Variants in CLASRP observed in about 807,000 individuals in gnomAD.
The protein encoded by CLASRP is CLK4 associating serine/arginine rich protein, also known as CLK4-associating serine/arginine rich protein.
CLASRP carries 52 observed loss-of-function variants against 99.9 expected under a neutral mutation model. That is an observed-to-expected ratio of 0.52 (90% confidence interval 0.42 to 0.66). The LOEUF (loss-of-function observed/expected upper bound fraction) is 0.66, where lower values mean the gene tolerates loss of function less well. Among genes scored for constraint, CLASRP ranks in the 30% least tolerant of loss-of-function variants. The probability of loss-of-function intolerance (pLI) is 0.00; values close to 1 mark genes in which losing one functional copy is unlikely to be tolerated. For synonymous variants in CLASRP, 379 were observed against 373.0 expected (o/e 1.02, Z -0.18); for missense variants, 848 against 999.2 (o/e 0.85, Z 2.04).
In CLASRP at chr19:45,056,437, T is replaced by C; in HGVS notation, c.380-13T>C. 6.2e-7 allele frequency: 1 copy of C among 1,613,622 alleles called. No individual in the cohort carries two copies. The highest frequency in any genetic ancestry group is 8.5e-7 in the Non-Finnish European group (1 of 1,179,626). ...CCAACCCACTCTGACCTGGGGTCTC[T>C]TGTTTGCTGCAGTCTCAGAGGAGCA... On this transcript the variant is annotated splice_polypyrimidine_tract_variant and intron_variant, in intron 5 of 20. Transcript: ENST00000221455.
chr19:45,040,035 C>A (rs1339054936), intron 1 of CLASRP, 149 bp from the exon 2 acceptor site: 11 of 526,728 alleles, frequency 2.1e-5, no homozygotes, highest in East Asian at 1.9e-4. Flanking sequence ...GAACATCTGG[C>A]ATACTGTTCT....
chr19:45,070,284 A>C (rs1417590567), intron 19 of CLASRP, among the ~76,000 whole-genome samples, 180 bp downstream of exon 19: 1 of 152,200 alleles, frequency 6.6e-6, no homozygotes, highest in African/African-American at 2.4e-5. Flanking sequence ...CAGCCTGACC[A>C]ACATGGTGAC....
intron 2 of CLASRP, among the ~76,000 whole-genome samples, chr19:45,044,125 G>A (rs985145422): frequency 3.9e-5 from 6 of 152,160 alleles, no homozygotes; most frequent in South Asian, 4.1e-4. Context: ...CAAGTGATCC[G>A]CCTGCCTTGG....
At chr19:45,050,215 G>A (rs1200234661) in intron 2 of CLASRP, among the ~76,000 whole-genome samples, 1 of 121,990 alleles carries the variant, frequency 8.2e-6, no homozygotes, top group Non-Finnish European at 1.7e-5. Context: ...GGTGGGGGGT[G>A]GGGTGCGGCC....
At position 45,052,829 on chromosome 19, in the gene CLASRP, G is replaced by C; in HGVS notation, c.236G>C (p.Arg79Pro). ...GGGGACACCAACAACATGATTGACC[G>C]ATTCGATGTCCGTGCCCACCTGGAC... ...WQGDTNNMID[R>P]FDVRAHLDHI... Residue 79 changes from arginine (R) to proline (P), a missense_variant, in exon 4 of 21, where the codon CGA becomes CCA. Arg to Pro is a moderately radical substitution (Grantham distance 103). Coordinates refer to ENST00000221455, the MANE Select transcript of CLASRP (RefSeq NM_007056.3). 6.2e-7 allele frequency: 1 copy of C among 1,612,500 alleles called. No homozygotes were observed. The highest frequency in any genetic ancestry group is 8.5e-7 in the Non-Finnish European group (1 of 1,179,432).
At chr19:45,046,114 T>C (rs1444724627) in intron 2 of CLASRP, among the ~76,000 whole-genome samples, 1 of 152,198 alleles carries the variant, frequency 6.6e-6, no homozygotes, top group Non-Finnish European at 1.5e-5. Context: ...GCTGCCAAGC[T>C]GTGGAGTATG....
At chr19:45,052,671 G>A in intron 3 of CLASRP, 120 bp from the exon 4 acceptor site, 1 of 697,260 alleles carries the variant, frequency 1.4e-6, no homozygotes, top group South Asian at 1.7e-5. Context: ...GTCATGGCAT[G>A]GGGACCAAAG....
intron 7 of CLASRP, 42 bp downstream of exon 7, chr19:45,057,940 C>T (rs1390888381): frequency 1.9e-6 from 3 of 1,610,784 alleles, no homozygotes; most frequent in Middle Eastern, 1.9e-4. Flanking sequence ...AGTCCCTGGG[C>T]ATCGTTTCTG....
At position 45,052,874 on chromosome 19, in the gene CLASRP, C is replaced by A; in HGVS notation, c.281C>A (p.Pro94His). The A allele has an allele frequency of 5.0e-6, 8 of 1,610,390 alleles. No individual in the cohort carries two copies. The highest frequency in any genetic ancestry group is 5.9e-6 in the Non-Finnish European group (7 of 1,178,584). ...CTGGACCACATCCCCGACTACACCC[C>A]CCCTCTGCTCACCACCATGTAAGCC... ...AHLDHIPDYT[P>H]PLLTTISPEQ... is the part of the protein sequence containing the mutation. The change falls in exon 4 of 21, where the codon CCC becomes CAC. Residue 94 changes from proline to histidine, a missense_variant. Physicochemically the swap from Pro to His is moderately conservative, Grantham distance 77 (BLOSUM62 -2). This residue lies in a region of CLASRP where 54 missense variants were observed against 38.7 expected (regional missense o/e 1.39). Coordinates refer to ENST00000221455, the MANE Select transcript of CLASRP (RefSeq NM_007056.3).
At chr19:45,041,524 C>G (rs1409431287) in intron 2 of CLASRP, among the ~76,000 whole-genome samples, 1 of 152,188 alleles carries the variant, frequency 6.6e-6, no homozygotes, top group African/African-American at 2.4e-5. Flanking sequence ...TTCAGTGTTC[C>G]TGTCAGATGA....
Position 45,068,237 on chromosome 19 carries a change from G to A in CLASRP, c.1707+183G>A, listed in dbSNP as rs527549242. The A allele has an allele frequency of 1.8e-4, 122 of 667,692 alleles. No homozygotes were observed. The South Asian group carries it at 2.1e-3, about 11-fold the overall frequency. The allele number at this position is 667,692 out of a possible 1,614,324, so 41.4% of individuals were successfully genotyped here. The stretch of plus-strand genomic sequence containing the variant: ...CCCTCTCCCCTCCTCACTGTACACT[G>A]GGGCTCCACCTGTCACTGAACCTCT... On this transcript the variant is annotated intron_variant, in intron 15 of 20. Transcript: ENST00000221455.
intron 13 of CLASRP, among the ~76,000 whole-genome samples, chr19:45,066,612 G>C (rs1240763167): frequency 2.5e-5 from 3 of 119,006 alleles, no homozygotes; most frequent in Non-Finnish European, 4.9e-5. Context: ...GCGACAGAGA[G>C]AGACTGTCTC....
At chr19:45,052,999 C>A (rs73941105) in intron 4 of CLASRP, 99 bp from the exon 5 acceptor site, 1 of 1,528,732 alleles carries the variant, frequency 6.5e-7, no homozygotes, top group Non-Finnish European at 9.0e-7. Flanking sequence ...TATTTGGTAC[C>A]GCCCTGAGCC....
In CLASRP at chr19:45,053,147, A is replaced by G; in HGVS notation, c.349A>G (p.Arg117Gly). 1 of 1,614,000 alleles carries G rather than the reference A, an allele frequency of 6.2e-7. No individual in the cohort carries two copies. The highest frequency in any genetic ancestry group is 2.2e-5 in the East Asian group (1 of 44,868). The change falls in exon 5 of 21, where the codon AGA becomes GGA. Residue 117 changes from arginine to glycine, a missense_variant. By Grantham distance (125) the Arg-to-Gly change is moderately radical (BLOSUM62 -2). Around this residue, in one of 8 missense-constraint regions of CLASRP, gnomAD observed 54 missense variants for 38.7 expected, o/e 1.39. Transcript: ENST00000221455. ...DERKCNYERY[R>G]GLVQNDFAGI... ...ACGGAAGTGTAACTACGAGCGCTAC[A>G]GAGGCCTGGTGCAGAACGACTTTGC...
intron 5 of CLASRP, among the ~76,000 whole-genome samples, chr19:45,056,025 C>G (rs1406048161): frequency 6.6e-6 from 1 of 152,084 alleles, no homozygotes; most frequent in Admixed American, 6.6e-5. Flanking sequence ...CAGCCCACAC[C>G]TAACTTAAAA....
chr19:45,041,116 G>C (rs932972997), intron 2 of CLASRP, among the ~76,000 whole-genome samples: 3 of 151,934 alleles, frequency 2.0e-5, no homozygotes, highest in Non-Finnish European at 4.4e-5. Context: ...AGCTACTCGG[G>C]AGGCTGAGGC....
intron 13 of CLASRP, among the ~76,000 whole-genome samples, chr19:45,064,891 G>A (rs751041668): frequency 1.3e-4 from 20 of 151,424 alleles, no homozygotes; most frequent in Non-Finnish European, 2.6e-4. Context: ...AGAGGAGACT[G>A]TGCATCTCTC....
Position 45,062,171 on chromosome 19 carries a change from GC to G in CLASRP, c.885del (p.Thr296ProfsTer213). 6.4e-7 allele frequency: 1 copy of G among 1,554,060 alleles called. No homozygotes were observed. The highest frequency in any genetic ancestry group is 8.9e-7 in the Non-Finnish European group (1 of 1,125,444). On this transcript the variant is annotated frameshift_variant, in exon 11 of 21. Transcript: ENST00000221455. LOFTEE classifies it high-confidence loss of function. ...CTCTGTAGCTATGCCCGCCGAGACA[GC>G]CCCACCTATGACCCCTATAAGCGGT... ...ISPPSYARRD[S>X]PTYDPYKRSP...
intron 13 of CLASRP, among the ~76,000 whole-genome samples, chr19:45,066,024 G>A (rs1040277281): frequency 3.9e-5 from 6 of 152,164 alleles, no homozygotes; most frequent in Non-Finnish European, 8.8e-5. Context: ...CCCTCCAGTC[G>A]GGGCGTTGAC....
Sources: gnomAD v4.1 joint callset for allele counts (sites outside exome capture counted in the v4.1 genomes callset) on GRCh38, gnomAD v4.1.1 for gene constraint, gnomAD v4.1.1 regional missense constraint, MANE v1.5 for transcripts, NCBI Gene and HGNC (gene_info 2026-07-23, HGNC 2026-07-21) for gene names.